NRXN1: variants seen among roughly 807,000 people sequenced by gnomAD.
The protein encoded by NRXN1 is neurexin 1.
In NRXN1, 39 loss-of-function variants were observed where a neutral mutation model predicts 150.9. That is an observed-to-expected ratio of 0.26 (90% confidence interval 0.20 to 0.34). NRXN1 has a LOEUF of 0.34. Ranked by LOEUF, NRXN1 falls within the 10% of genes least tolerant of loss-of-function variation. NRXN1 has a pLI of 1.00. For missense variants in NRXN1, 1,815 were observed against 1,949.9 expected (o/e 0.93, Z 1.30); for synonymous variants, 924 against 757.0 (o/e 1.22, Z -3.62).
At chr2:50,921,913 A>G (rs776744148) in intron 4 of NRXN1, 33 bp from the exon 5 acceptor site, 1 of 1,363,808 alleles carries the variant, frequency 7.3e-7, no homozygotes, top group East Asian at 2.6e-5. Flanking sequence ...CCATGAAGAA[A>G]GGGTTTCCAG....
intron 21 of NRXN1, among the ~76,000 whole-genome samples, chr2:49,987,999 C>A (rs1298692038): frequency 6.6e-6 from 1 of 151,598 alleles, no homozygotes; most frequent in East Asian, 1.9e-4. Flanking sequence ...ATGAGTGGAA[C>A]AAAAAAAGTA....
At chr2:50,172,979 A>G (rs1287756630) in intron 18 of NRXN1, among the ~76,000 whole-genome samples, 1 of 152,126 alleles carries the variant, frequency 6.6e-6, no homozygotes, top group Non-Finnish European at 1.5e-5. Flanking sequence ...AAAAATAAAT[A>G]AATAAAAATA....
intron 21 of NRXN1, among the ~76,000 whole-genome samples, chr2:50,048,831 A>G (rs1260066074): frequency 3.3e-5 from 5 of 152,116 alleles, no homozygotes; most frequent in Non-Finnish European, 7.4e-5. Flanking sequence ...GAAACCATGG[A>G]ACTGCTCCAA....
intron 19 of NRXN1, among the ~76,000 whole-genome samples, chr2:50,075,207 A>G (rs1272032227): frequency 6.6e-6 from 1 of 152,212 alleles, no homozygotes; most frequent in East Asian, 1.9e-4. Flanking sequence ...ACCTTTCTTC[A>G]TCCATGCAAA....
intron 8 of NRXN1, among the ~76,000 whole-genome samples, chr2:50,610,069 T>C (rs1464647756): frequency 6.6e-6 from 1 of 152,128 alleles, no homozygotes; most frequent in African/African-American, 2.4e-5. Flanking sequence ...AAGACACCAA[T>C]TAACATGCAC....
intron 2 of NRXN1, among the ~76,000 whole-genome samples, chr2:50,974,351 G>A (rs947885752): frequency 7.9e-5 from 12 of 152,148 alleles, no homozygotes; most frequent in African/African-American, 2.2e-4. Flanking sequence ...CTGAAAGGCA[G>A]AAAGAAACCA....
chr2:50,031,403 T>C (rs571605611), intron 21 of NRXN1, among the ~76,000 whole-genome samples: 87 of 152,204 alleles, frequency 5.7e-4, no homozygotes, highest in African/African-American at 1.9e-3. Flanking sequence ...TTATTACTTA[T>C]GGGATATTTT....
chr2:50,930,963 G>A lies in NRXN1; in HGVS notation c.773-5008C>T, dbSNP rs1331842868. On this transcript the variant is annotated intron_variant, in intron 2 of 22. Coordinates refer to ENST00000401669, the MANE Select transcript of NRXN1 (RefSeq NM_001330078.2). Reference sequence around the variant, plus strand: ...TACAGAGCAAGAAAGCTCTTGGACTGAGGTTAAGAGAGTGAACTTAAATAC... The same window carrying A: ...TACAGAGCAAGAAAGCTCTTGGACTAAGGTTAAGAGAGTGAACTTAAATAC... Among the ~76,000 whole-genome samples the A allele has an allele frequency of 2.6e-5, 4 of 152,272 alleles. No individual in the cohort carries two copies. The East Asian group carries it at 5.8e-4, about 22-fold the overall frequency.
intron 17 of NRXN1, among the ~76,000 whole-genome samples, chr2:50,277,633 T>C (rs1318121705): frequency 2.0e-5 from 3 of 152,014 alleles, no homozygotes; most frequent in African/African-American, 7.3e-5. Context: ...CCAAGCTCAG[T>C]AGTCAATCCA....
At chr2:50,408,135 G>A (rs1270809172) in intron 17 of NRXN1, among the ~76,000 whole-genome samples, 2 of 152,056 alleles carry the variant, frequency 1.3e-5, no homozygotes, top group Admixed American at 6.6e-5. Context: ...AGCCCTCCAA[G>A]ATCTTACCAT....
chr2:50,002,125 A>C (rs1684048041), intron 21 of NRXN1, among the ~76,000 whole-genome samples: 1 of 152,004 alleles, frequency 6.6e-6, no homozygotes, highest in African/African-American at 2.4e-5. Context: ...ATTGTAGTCT[A>C]GTGAGAGCCA....
Position 51,028,076 on chromosome 2 carries a change from G to T in NRXN1, c.198C>A (p.Leu66=). The change falls in exon 2 of 23, where the codon CTC becomes CTA. Residue 66 remains leucine (L), a synonymous_variant. Transcript: ENST00000401669. The stretch of plus-strand genomic sequence containing the variant: ...AGCCCTCGTCGTCGAAGTAGAGCAC[G>T]AGGCCGCGGGCGCTGCGAGTCTTGA... ...FQLKTRSARG[L]VLYFDDEGFC... is the part of the protein sequence containing the mutation. 1 of 1,592,258 alleles carries T rather than the reference G, an allele frequency of 6.3e-7. No individual in the cohort carries two copies. The highest frequency in any genetic ancestry group is 8.5e-7 in the Non-Finnish European group (1 of 1,172,982).
At chr2:50,542,259 C>T (rs1454084689) in intron 9 of NRXN1, among the ~76,000 whole-genome samples, 2 of 151,762 alleles carry the variant, frequency 1.3e-5, no homozygotes, top group Admixed American at 6.6e-5. Context: ...CCAGCCTGGG[C>T]AACCAGAGCA....
intron 5 of NRXN1, among the ~76,000 whole-genome samples, chr2:50,913,960 C>G (rs1395907772): frequency 6.6e-6 from 1 of 151,748 alleles, no homozygotes; most frequent in Non-Finnish European, 1.5e-5. Flanking sequence ...AGCAGAATCT[C>G]CTTGGTGATT....
At chr2:50,817,510 G>A (rs1176834811) in intron 5 of NRXN1, among the ~76,000 whole-genome samples, 2 of 152,056 alleles carry the variant, frequency 1.3e-5, no homozygotes, top group Non-Finnish European at 2.9e-5. Flanking sequence ...TATGAGGCCA[G>A]CATTGTGGTG....
intron 18 of NRXN1, among the ~76,000 whole-genome samples, chr2:50,140,835 T>C (rs560871731): frequency 1.6e-4 from 25 of 152,160 alleles, no homozygotes; most frequent in Admixed American, 1.2e-3. Flanking sequence ...ATTTACAATA[T>C]CTGATTGTGG....
At chr2:50,487,887 T>A (rs986206019) in intron 15 of NRXN1, among the ~76,000 whole-genome samples, 8 of 152,190 alleles carry the variant, frequency 5.3e-5, no homozygotes. Context: ...AGGTCCTCCT[T>A]CTTCTGGCAT....
intron 2 of NRXN1, among the ~76,000 whole-genome samples, chr2:50,978,757 T>C (rs1696316127): frequency 6.6e-6 from 1 of 152,052 alleles, no homozygotes; most frequent in Non-Finnish European, 1.5e-5. Flanking sequence ...TTCACACTTC[T>C]TTGTGCTTTT....
chr2:50,912,719 G>C (rs1684693109), intron 5 of NRXN1, among the ~76,000 whole-genome samples: 1 of 148,986 alleles, frequency 6.7e-6, no homozygotes, highest in Non-Finnish European at 1.5e-5. Flanking sequence ...TTAAAGAATG[G>C]TTCTCCTATG....
Sources: gnomAD v4.1 joint callset for allele counts (sites outside exome capture counted in the v4.1 genomes callset) on GRCh38, gnomAD v4.1.1 for gene constraint, MANE v1.5 for transcripts, NCBI Gene and HGNC (gene_info 2026-07-23, HGNC 2026-07-21) for gene names.